Variants in GRIN2B observed in about 807,000 individuals in gnomAD.
GRIN2B encodes glutamate receptor ionotropic, NMDA 2B.
GRIN2B carries 5 observed loss-of-function variants against 114.5 expected under a neutral mutation model. The observed-to-expected ratio is 0.04, with a 90% CI of 0.02 to 0.09. The LOEUF (loss-of-function observed/expected upper bound fraction) is 0.09, where lower values mean the gene tolerates loss of function less well. Among genes scored for constraint, GRIN2B ranks in the 10% least tolerant of loss-of-function variants. The pLI is 1.00. For missense variants in GRIN2B, 1,108 were observed against 1,943.5 expected (o/e 0.57, Z 8.08); for synonymous variants, 787 against 745.1 (o/e 1.06, Z -0.92).
At position 13,615,029 on chromosome 12, in the gene GRIN2B, C is replaced by T; in HGVS notation, c.1654+85G>A. 8.1e-7 allele frequency: 1 copy of T among 1,239,858 alleles called. No homozygotes were observed. The highest frequency in any genetic ancestry group is 1.2e-6 in the Non-Finnish European group (1 of 839,376). The allele number at this position is 1,239,858 out of a possible 1,614,324, so 76.8% of individuals were successfully genotyped here. A position where few individuals can be genotyped will look rare whatever the true frequency, so the allele number is the denominator to read the frequency against. On this transcript the variant is annotated intron_variant, in intron 8 of 13. Transcript: ENST00000609686. The surrounding 1 kb of genome is among the most constrained non-coding windows in gnomAD (Gnocchi z 5.8). ...CTAGCAAACCACCTTCTAGCTGGAACAGCCTGGCCATGTGCTCCTTTTTTC... is the reference window on the plus strand; with the variant it reads ...CTAGCAAACCACCTTCTAGCTGGAATAGCCTGGCCATGTGCTCCTTTTTTC...
chr12:13,943,031 T>C (rs1324458221), intron 2 of GRIN2B, among the ~76,000 whole-genome samples: 2 of 151,668 alleles, frequency 1.3e-5, no homozygotes, highest in Non-Finnish European at 2.9e-5. Flanking sequence ...TGGTATGGGG[T>C]GGGGGTGGAG....
chr12:13,926,078 A>G (rs1378959357), intron 2 of GRIN2B, among the ~76,000 whole-genome samples: 1 of 152,114 alleles, frequency 6.6e-6, no homozygotes, highest in African/African-American at 2.4e-5. Flanking sequence ...GTGTGTATGA[A>G]ACTGTGGGTT....
At chr12:13,861,965 A>C (rs1385051121) in intron 3 of GRIN2B, among the ~76,000 whole-genome samples, 1 of 152,204 alleles carries the variant, frequency 6.6e-6, no homozygotes, top group East Asian at 1.9e-4. Context: ...CAACCCTGTA[A>C]TCAACATATT....
chr12:13,697,696 T>G (rs1950273883), intron 4 of GRIN2B, among the ~76,000 whole-genome samples: 1 of 77,298 alleles, frequency 1.3e-5, no homozygotes, highest in South Asian at 7.2e-4. Context: ...CAATATAACC[T>G]CATCCATTAA....
At chr12:13,659,596 C>A (rs1469445112) in intron 5 of GRIN2B, among the ~76,000 whole-genome samples, 1 of 152,100 alleles carries the variant, frequency 6.6e-6, no homozygotes, top group Non-Finnish European at 1.5e-5. Flanking sequence ...TGTCTCTCTA[C>A]CCCCTTATTT....
intron 3 of GRIN2B, among the ~76,000 whole-genome samples, chr12:13,853,403 G>C (rs887272821): frequency 1.3e-5 from 2 of 152,112 alleles, no homozygotes; most frequent in East Asian, 3.8e-4. Flanking sequence ...AAATATAGTT[G>C]GGTGATACCT....
chr12:13,630,698 G>A (rs1241602755), intron 5 of GRIN2B, among the ~76,000 whole-genome samples: 1 of 152,102 alleles, frequency 6.6e-6, no homozygotes, highest in Non-Finnish European at 1.5e-5. Context: ...ACCCCCTGGA[G>A]ACCAACCCAA....
At chr12:13,781,860 C>T (rs1864121813) in intron 3 of GRIN2B, among the ~76,000 whole-genome samples, 1 of 152,152 alleles carries the variant, frequency 6.6e-6, no homozygotes, top group African/African-American at 2.4e-5. Context: ...TTCCTTCACT[C>T]AGTGAGATGT....
intron 5 of GRIN2B, among the ~76,000 whole-genome samples, chr12:13,664,939 G>A (rs1949959109): frequency 6.6e-6 from 1 of 152,248 alleles, no homozygotes; most frequent in African/African-American, 2.4e-5. Context: ...CAGGGATACG[G>A]TGCCACTGCC....
intron 2 of GRIN2B, among the ~76,000 whole-genome samples, chr12:13,909,398 T>C (rs1866595148): frequency 6.6e-6 from 1 of 152,224 alleles, no homozygotes; most frequent in Non-Finnish European, 1.5e-5. Context: ...TAACAGCACC[T>C]TCAGGTTAGT....
At chr12:13,704,709 A>G (rs1304295968) in intron 4 of GRIN2B, among the ~76,000 whole-genome samples, 1 of 152,158 alleles carries the variant, frequency 6.6e-6, no homozygotes, top group Admixed American at 6.5e-5. Flanking sequence ...TCTATGTTAA[A>G]TGAGATAAAA....
At chr12:13,927,056 G>A (rs982761672) in intron 2 of GRIN2B, among the ~76,000 whole-genome samples, 1 of 152,030 alleles carries the variant, frequency 6.6e-6, no homozygotes, top group African/African-American at 2.4e-5. Context: ...GAGAGCATTT[G>A]AGTGAAAGAT....
intron 2 of GRIN2B, among the ~76,000 whole-genome samples, chr12:13,932,654 C>T (rs1202338651): frequency 6.6e-6 from 1 of 152,104 alleles, no homozygotes; most frequent in African/African-American, 2.4e-5. Flanking sequence ...TCTATGATGC[C>T]TACCCTAAAG....
At chr12:13,580,638 C>G (rs756950740) in intron 10 of GRIN2B, among the ~76,000 whole-genome samples, 6 of 152,174 alleles carry the variant, frequency 3.9e-5, no homozygotes, top group Admixed American at 1.3e-4. Flanking sequence ...TCTGAAGACA[C>G]CACATTTTTA....
At position 13,758,998 on chromosome 12, in the gene GRIN2B, ATTTTTTTTTTTT is replaced by A. The variant is rs5796560; in HGVS notation, c.412-5095_412-5084del. Among the ~76,000 whole-genome samples, 16 of 85,624 alleles carry A rather than the reference ATTTTTTTTTTTT, an allele frequency of 1.9e-4. No homozygotes were observed. The East Asian group carries it at 4.4e-3, about 24-fold the overall frequency. The allele number at this position is 85,624 out of a possible 152,430, so 56.2% of individuals were successfully genotyped here. On this transcript the variant is annotated intron_variant, in intron 3 of 13. Transcript: ENST00000609686. ...GAATTTGATGATCTCATCTAGTTCA[ATTTTTTTTTTTT>A]TTTTTTTTTTTTTTTTGAGACGAAG... is the stretch of plus-strand genomic sequence containing the variant.
In GRIN2B at chr12:13,866,217, C is replaced by A. The variant is rs748524822; in HGVS notation, c.-9G>T. ...TCCGCTCTGGGCTTCATCTTCAACT[C>A]GTCGACTCCCTGCAAACACAAAGAA... On this transcript the variant is annotated 5_prime_UTR_variant, in exon 3 of 14. Transcript: ENST00000609686. The A allele has an allele frequency of 6.2e-7, 1 of 1,605,134 alleles. No individual in the cohort carries two copies. The highest frequency in any genetic ancestry group is 1.3e-5 in the African/African-American group (1 of 75,034).
At chr12:13,928,603 G>A (rs537683760) in intron 2 of GRIN2B, among the ~76,000 whole-genome samples, 11 of 152,220 alleles carry the variant, frequency 7.2e-5, no homozygotes, top group South Asian at 2.1e-4. Context: ...TAGAAAAAAT[G>A]GTAAAAGACT....
chr12:13,662,680 G>A (rs763940146), intron 5 of GRIN2B, among the ~76,000 whole-genome samples: 5 of 152,168 alleles, frequency 3.3e-5, no homozygotes, highest in South Asian at 2.1e-4. Flanking sequence ...GTAGGGGCTC[G>A]GGAAAATATT....
At chr12:13,949,407 C>T (rs1221974270) in intron 2 of GRIN2B, among the ~76,000 whole-genome samples, 1 of 152,176 alleles carries the variant, frequency 6.6e-6, no homozygotes, top group African/African-American at 2.4e-5. Context: ...CTTCCTGCCT[C>T]TTCTCTCCAG....
Sources: allele counts gnomAD v4.1 joint callset (sites outside exome capture counted in the v4.1 genomes callset), GRCh38; gene constraint gnomAD v4.1.1; non-coding constraint Gnocchi (gnomAD v3.1); transcripts MANE v1.5; gene names NCBI Gene and HGNC (gene_info 2026-07-23, HGNC 2026-07-21).